NUBPL: variants seen among roughly 807,000 people sequenced by gnomAD.
NUBPL encodes the protein NUBP iron-sulfur cluster assembly factor, mitochondrial, also known as iron-sulfur cluster transfer protein NUBPL.
NUBPL carries 31 observed loss-of-function variants against 45.7 expected under a neutral mutation model. The observed-to-expected ratio is 0.68, with a 90% confidence interval of 0.51 to 0.92. The LOEUF is 0.92. Ranked by LOEUF, NUBPL falls within the 40% of genes least tolerant of loss-of-function variation. NUBPL has a pLI of 0.00. For missense variants in NUBPL, 401 were observed against 398.7 expected (o/e 1.01, Z -0.05); for synonymous variants, 144 against 140.9 (o/e 1.02, Z -0.15).
intron 7 of NUBPL, among the ~76,000 whole-genome samples, chr14:31,804,447 T>G (rs964568413): frequency 6.6e-6 from 1 of 152,302 alleles, no homozygotes; most frequent in Non-Finnish European, 1.5e-5. Flanking sequence ...GCTTTCAGAA[T>G]CACTTGTCTA....
At chr14:31,695,140 T>G (rs1448710135) in intron 6 of NUBPL, among the ~76,000 whole-genome samples, 1 of 152,218 alleles carries the variant, frequency 6.6e-6, no homozygotes, top group Non-Finnish European at 1.5e-5. Context: ...AAGGTCCATG[T>G]CATAGCGCAA....
intron 4 of NUBPL, among the ~76,000 whole-genome samples, chr14:31,647,700 G>A (rs2035893580): frequency 6.6e-6 from 1 of 152,196 alleles, no homozygotes; most frequent in Admixed American, 6.5e-5. Flanking sequence ...GCTGTCCTCA[G>A]GGATATTTCT....
At chr14:31,779,571 T>G (rs1239194904) in intron 6 of NUBPL, among the ~76,000 whole-genome samples, 1 of 152,044 alleles carries the variant, frequency 6.6e-6, no homozygotes, top group African/African-American at 2.4e-5. Context: ...ACTAGTAATA[T>G]CAGATTTAAA....
intron 6 of NUBPL, among the ~76,000 whole-genome samples, chr14:31,762,994 G>A (rs545731328): frequency 2.0e-5 from 3 of 152,248 alleles, no homozygotes; most frequent in African/African-American, 7.2e-5. Flanking sequence ...CCCTCATGTA[G>A]CTTATTGAAT....
chr14:31,855,628 T>G (rs116757370), intron 10 of NUBPL, among the ~76,000 whole-genome samples: 24,740 of 151,954 alleles, frequency 0.16, 5,974 homozygotes, highest in African/African-American at 0.53. Context: ...TTAGAGTTTT[T>G]TTTTTTTTTA....
At chr14:31,725,798 C>T (rs554195884) in intron 6 of NUBPL, among the ~76,000 whole-genome samples, 1 of 149,808 alleles carries the variant, frequency 6.7e-6, no homozygotes, top group South Asian at 2.2e-4. Context: ...CAATCTCCAC[C>T]TCCCGGGTTT....
At chr14:31,617,878 A>G (rs868553959) in intron 4 of NUBPL, among the ~76,000 whole-genome samples, 5 of 152,338 alleles carry the variant, frequency 3.3e-5, no homozygotes, top group Middle Eastern at 3.4e-3. Flanking sequence ...TACCTCTGGT[A>G]GAATTAGGCT....
At chr14:31,662,687 A>G (rs189362463) in intron 4 of NUBPL, among the ~76,000 whole-genome samples, 1 of 152,268 alleles carries the variant, frequency 6.6e-6, no homozygotes, top group Admixed American at 6.5e-5. Context: ...TCTGTGGTGT[A>G]TATTCTTTAT....
intron 6 of NUBPL, among the ~76,000 whole-genome samples, chr14:31,757,487 A>G (rs968614927): frequency 3.9e-5 from 6 of 152,192 alleles, no homozygotes; most frequent in African/African-American, 9.6e-5. Context: ...GTTTATTTGC[A>G]TAGAGGTGTT....
intron 4 of NUBPL, among the ~76,000 whole-genome samples, chr14:31,671,455 C>A (rs561134773): frequency 6.6e-6 from 1 of 152,260 alleles, no homozygotes; most frequent in South Asian, 2.1e-4. Context: ...TCCAGGAAAG[C>A]AAGTTTGTTT....
intron 6 of NUBPL, among the ~76,000 whole-genome samples, chr14:31,683,583 C>T (rs2139840027): frequency 6.6e-6 from 1 of 152,062 alleles, no homozygotes; most frequent in East Asian, 1.9e-4. Context: ...GATCTCCTGA[C>T]CTCGTGATCT....
At chr14:31,623,311 C>G (rs1025073644) in intron 4 of NUBPL, among the ~76,000 whole-genome samples, 3 of 152,124 alleles carry the variant, frequency 2.0e-5, no homozygotes, top group African/African-American at 7.2e-5. Flanking sequence ...AAGGGACTTG[C>G]CTTGGCTCAG....
chr14:31,674,708 C>T (rs1330839185), intron 6 of NUBPL, among the ~76,000 whole-genome samples: 1 of 152,102 alleles, frequency 6.6e-6, no homozygotes, highest in African/African-American at 2.4e-5. Flanking sequence ...AATTTAGCTA[C>T]CTTCACAACA....
At position 31,562,190 on chromosome 14, in the gene NUBPL, TG is replaced by T. The variant is rs1566413725; in HGVS notation, c.233del (p.Gly78GlufsTer9). ...TTATAGTTGTGGCTTCTGGAAAGGG[TG>T]GAGTCGGAAAATCTACTACAGCAGG... is the stretch of plus-strand genomic sequence containing the variant. ...QVIVVASGKG[G>X]VGKSTTAVNL... On this transcript the variant is annotated frameshift_variant, in exon 2 of 11. Coordinates refer to ENST00000281081, the MANE Select transcript of NUBPL (RefSeq NM_025152.3). LOFTEE classifies it high-confidence loss of function. 1 of 1,613,952 alleles carries T rather than the reference TG, an allele frequency of 6.2e-7. No homozygotes were observed. Among genetic ancestry groups the T allele is most frequent in the East Asian group, 2.2e-5 (1 of 44,874 alleles).
chr14:31,723,851 T>G (rs1465975338), intron 6 of NUBPL, among the ~76,000 whole-genome samples: 1 of 152,208 alleles, frequency 6.6e-6, no homozygotes, highest in Non-Finnish European at 1.5e-5. Flanking sequence ...AGACCGAGAC[T>G]ATAGGGTTTT....
chr14:31,655,926 C>T (rs1409942221), intron 4 of NUBPL, among the ~76,000 whole-genome samples: 1 of 152,130 alleles, frequency 6.6e-6, no homozygotes, highest in Non-Finnish European at 1.5e-5. Context: ...AACTTTTTTC[C>T]CCTAGCTGTG....
Position 31,780,355 on chromosome 14 carries a change from C to T in NUBPL, c.514-7425C>T, listed in dbSNP as rs147837838. On this transcript the variant is annotated intron_variant, in intron 6 of 10. Coordinates refer to ENST00000281081, the MANE Select transcript of NUBPL (RefSeq NM_025152.3). ...GAATGCTGGAATTACAGGCGTGAGCCACTGTGCCCGGCTGAGAGAGCAGAT... is the reference window on the plus strand; with the variant it reads ...GAATGCTGGAATTACAGGCGTGAGCTACTGTGCCCGGCTGAGAGAGCAGAT... Among the ~76,000 whole-genome samples the T allele has an allele frequency of 6.5e-3, 994 of 152,250 alleles. 12 individuals are homozygous for T. The highest frequency in any genetic ancestry group is 0.022 in the African/African-American group (931 of 41,556).
At chr14:31,755,186 G>T (rs997028326) in intron 6 of NUBPL, among the ~76,000 whole-genome samples, 33 of 152,034 alleles carry the variant, frequency 2.2e-4, no homozygotes, top group Admixed American at 1.2e-3. Context: ...TATAGCAGCA[G>T]GATTTATAGT....
chr14:31,623,319 C>A (rs2035117716), intron 4 of NUBPL, among the ~76,000 whole-genome samples: 1 of 152,150 alleles, frequency 6.6e-6, no homozygotes, highest in Non-Finnish European at 1.5e-5. Flanking sequence ...TGCCTTGGCT[C>A]AGATGAGACT....
Sources: gnomAD v4.1 joint callset for allele counts (sites outside exome capture counted in the v4.1 genomes callset) on GRCh38, gnomAD v4.1.1 for gene constraint, MANE v1.5 for transcripts, NCBI Gene and HGNC (gene_info 2026-07-23, HGNC 2026-07-21) for gene names.